Variants in KIAA1217 observed in about 807,000 individuals in gnomAD.
KIAA1217 encodes KIAA1217.
In KIAA1217, 88 loss-of-function variants were observed where a neutral mutation model predicts 163.9. The ratio of observed to expected loss-of-function variants is 0.54; its 90% CI spans 0.45 to 0.64. The LOEUF (loss-of-function observed/expected upper bound fraction) is 0.64. KIAA1217 is among the 30% of genes least tolerant of loss of function. KIAA1217 has a pLI of 0.00. For synonymous variants in KIAA1217, 903 were observed against 923.1 expected, an observed-to-expected ratio of 0.98 and a Z score of 0.39; for missense variants, 2,372 against 2,475.0, an observed-to-expected ratio of 0.96 and a Z score of 0.88.
chr10:24,334,269 G>A (rs1440642536), intron 2 of KIAA1217, among the ~76,000 whole-genome samples: 1 of 152,136 alleles, frequency 6.6e-6, no homozygotes, highest in African/African-American at 2.4e-5. Flanking sequence ...GTTGGGCATG[G>A]CGGAGCATGC....
intron 3 of KIAA1217, among the ~76,000 whole-genome samples, chr10:24,396,087 A>G (rs572316070): frequency 9.8e-5 from 15 of 152,328 alleles, no homozygotes; most frequent in Non-Finnish European, 1.9e-4. Context: ...CTGTAATCAC[A>G]GCACTTTGGG....
intron 2 of KIAA1217, among the ~76,000 whole-genome samples, chr10:24,287,766 C>T (rs2078690553): frequency 6.6e-6 from 1 of 152,186 alleles, no homozygotes; most frequent in Non-Finnish European, 1.5e-5. Context: ...CTATCAAATT[C>T]ATTACCGCTT....
At chr10:23,990,373 G>T (rs903916981) in intron 1 of KIAA1217, among the ~76,000 whole-genome samples, 1 of 151,934 alleles carries the variant, frequency 6.6e-6, no homozygotes, top group African/African-American at 2.4e-5. Context: ...TTCTTTTCAT[G>T]AAGGCCTCAA....
chr10:24,545,803 G>C (rs1357202207), intron 20 of KIAA1217, 24 bp from the exon 21 acceptor site: 1 of 1,556,640 alleles, frequency 6.4e-7, no homozygotes, highest in Non-Finnish European at 8.7e-7. Flanking sequence ...CTGACAAAAT[G>C]TCTCCCGCCA....
chr10:24,006,044 A>G (rs995355684), intron 1 of KIAA1217, among the ~76,000 whole-genome samples: 26 of 152,208 alleles, frequency 1.7e-4, no homozygotes, highest in Admixed American at 4.6e-4. Context: ...CTCCTGTGTT[A>G]TACGGTTTCA....
At chr10:24,377,957 C>T (rs1250834123) in intron 2 of KIAA1217, among the ~76,000 whole-genome samples, 2 of 152,134 alleles carry the variant, frequency 1.3e-5, no homozygotes, top group African/African-American at 4.8e-5. Context: ...CCACAGTGTA[C>T]TGGAAACAGA....
chr10:24,217,826 T>C (rs938335765), intron 1 of KIAA1217, among the ~76,000 whole-genome samples: 2 of 152,234 alleles, frequency 1.3e-5, no homozygotes, highest in South Asian at 2.1e-4. Context: ...TATGCTTCTA[T>C]TGGAAACTTA....
At chr10:24,218,645 T>C (rs1410117093) in intron 1 of KIAA1217, among the ~76,000 whole-genome samples, 1 of 151,928 alleles carries the variant, frequency 6.6e-6, no homozygotes, top group Non-Finnish European at 1.5e-5. Flanking sequence ...CCCACCACCA[T>C]GCCCAGCTAA....
chr10:24,161,839 T>C (rs900797471), intron 2 of KIAA1217, among the ~76,000 whole-genome samples: 2 of 152,196 alleles, frequency 1.3e-5, no homozygotes, highest in African/African-American at 4.8e-5. Context: ...ACAAGAGGAA[T>C]GTAGAACCAA....
intron 1 of KIAA1217, among the ~76,000 whole-genome samples, chr10:23,971,023 C>T (rs1391679249): frequency 1.3e-5 from 2 of 152,166 alleles, no homozygotes; most frequent in African/African-American, 2.4e-5. Context: ...GCCAAGCGGG[C>T]GCTTGAGAGA....
At chr10:24,118,745 C>G (rs2131770259) in intron 2 of KIAA1217, among the ~76,000 whole-genome samples, 1 of 147,934 alleles carries the variant, frequency 6.8e-6, no homozygotes, top group East Asian at 2.0e-4. Context: ...TTTACTATTT[C>G]TAGTAAAGCA....
At chr10:24,459,428 C>T (rs926889577) in intron 5 of KIAA1217, among the ~76,000 whole-genome samples, 3 of 152,172 alleles carry the variant, frequency 2.0e-5, no homozygotes, top group Non-Finnish European at 4.4e-5. Flanking sequence ...TTAATGTTCA[C>T]GTACATGCCT....
intron 3 of KIAA1217, among the ~76,000 whole-genome samples, chr10:24,402,659 T>G (rs1468170298): frequency 6.6e-6 from 1 of 152,148 alleles, no homozygotes; most frequent in Non-Finnish European, 1.5e-5. Flanking sequence ...CTTTGTAGTA[T>G]TGGCAGACAC....
At chr10:24,418,811 C>T (rs557797875) in intron 3 of KIAA1217, among the ~76,000 whole-genome samples, 49 of 152,114 alleles carry the variant, frequency 3.2e-4, no homozygotes, top group Middle Eastern at 3.4e-3. Flanking sequence ...TGTTGCATAT[C>T]CCTAAAAGGC....
chr10:24,196,064 T>C (rs1238398288), intron 2 of KIAA1217, among the ~76,000 whole-genome samples: 1 of 151,554 alleles, frequency 6.6e-6, no homozygotes, highest in Non-Finnish European at 1.5e-5. Context: ...AACCCAGAAG[T>C]TCAAGGCTGC....
rs2075775790 is a variant in KIAA1217, at chr10:24,547,760, C to T, written c.*1436C>T. On this transcript the variant is annotated 3_prime_UTR_variant, in exon 21 of 21. Transcript: ENST00000376454. ...AACCTGGATACAGAGTTTCCACCCT[C>T]AGTTCCTGGAGGGGCTCTTATTATT... 1 of 152,162 alleles carries T rather than the reference C, an allele frequency of 6.6e-6. No individual in the cohort carries two copies. Among genetic ancestry groups the T allele is most frequent in the African/African-American group, 2.4e-5 (1 of 41,440 alleles). 9.4% of individuals were successfully genotyped at this position (152,162 alleles called of 1,614,324 possible). A position where few individuals can be genotyped will look rare whatever the true frequency, so the allele number is the denominator to read the frequency against.
At chr10:24,220,029 G>A in intron 2 of KIAA1217, 120 bp downstream of exon 2, 3 of 1,073,296 alleles carry the variant, frequency 2.8e-6, no homozygotes, top group Non-Finnish European at 3.8e-6. Flanking sequence ...ATACTATTTA[G>A]TTGTTCTGGA....
rs1237526391 is a variant in KIAA1217, at chr10:24,050,208, C to T, written c.-171+42834C>T. ...TCTTTGTAGATTCTGGATATTAGCC[C>T]TTTGTCAGATGGATACATTGCAAAA... On this transcript the variant is annotated intron_variant, in intron 2 of 18. Transcript: ENST00000376462. 2.0e-5 allele frequency among the ~76,000 whole-genome samples: 3 copies of T among 152,134 alleles called. No homozygotes were observed. In the East Asian group the frequency reaches 5.8e-4, roughly 29 times the overall value.
At chr10:23,912,569 T>G (rs2131272110) in intron 1 of KIAA1217, among the ~76,000 whole-genome samples, 1 of 152,214 alleles carries the variant, frequency 6.6e-6, no homozygotes, top group Non-Finnish European at 1.5e-5. Context: ...CACTTACAAG[T>G]AAGAACACAC....
Sources: gnomAD v4.1 joint callset for allele counts (sites outside exome capture counted in the v4.1 genomes callset) on GRCh38, gnomAD v4.1.1 for gene constraint, MANE v1.5 for transcripts, NCBI Gene and HGNC (gene_info 2026-07-23, HGNC 2026-07-21) for gene names.